Variants in SFXN5 observed in about 807,000 individuals in gnomAD.
The protein encoded by SFXN5 is sideroflexin-5.
A neutral mutation model predicts 50.2 loss-of-function variants in SFXN5; 43 were observed. The ratio of observed to expected loss-of-function variants is 0.86; its 90% CI spans 0.67 to 1.11. SFXN5 has a LOEUF of 1.11. SFXN5 is among the 50% of genes least tolerant of loss of function. The probability of loss-of-function intolerance (pLI) is 0.00; values close to 1 mark genes in which losing one functional copy is unlikely to be tolerated. For synonymous variants in SFXN5, 203 were observed against 185.8 expected, an observed-to-expected ratio of 1.09 and a Z score of -0.75; for missense variants, 463 against 454.1, an observed-to-expected ratio of 1.02 and a Z score of -0.18.
intron 10 of SFXN5, among the ~76,000 whole-genome samples, chr2:72,975,659 C>T (rs1249447639): frequency 6.6e-6 from 1 of 152,206 alleles, no homozygotes; most frequent in East Asian, 1.9e-4. Context: ...TGAATGCAGC[C>T]ATGTGTACAG....
At position 72,961,157 on chromosome 2, in the gene SFXN5, T is replaced by C. The variant is rs1249313549; in HGVS notation, c.919A>G (p.Ile307Val). ...AAFGLALPLA[I>V]SLFPQMSEIE... ...TCTGACATTTGCGGGAAGAGGCTGA[T>C]GGCCAGCGGCAGGGCCAGGCCGAAG... The change falls in exon 13 of 14, where the codon ATC (isoleucine) becomes GTC (valine). Residue 307 changes from isoleucine (I) to valine (V), a missense_variant. By Grantham distance (29) the Ile-to-Val change is conservative. Coordinates refer to ENST00000272433, the MANE Select transcript of SFXN5 (RefSeq NM_144579.3). This position sits in a 1 kb window ranked among gnomAD's most constrained non-coding sequence, Gnocchi z 4.4. The C allele has an allele frequency of 6.3e-7, 1 of 1,583,950 alleles. No individual in the cohort carries two copies. The highest frequency in any genetic ancestry group is 2.5e-5 in the East Asian group (1 of 40,768).
Position 72,950,799 on chromosome 2 carries a change from G to A in SFXN5, c.946-5700C>T, listed in dbSNP as rs578160885. ...CCCAACCAACTCCACCCCGCAGAAG[G>A]CCAGAGCCCCAGGGCAGTGGGTCGA... On this transcript the variant is annotated intron_variant, in intron 13 of 13. Transcript: ENST00000272433. The surrounding 1 kb of genome is among the most constrained non-coding windows in gnomAD (Gnocchi z 4.2). Among the ~76,000 whole-genome samples the A allele has an allele frequency of 4.6e-5, 7 of 152,358 alleles. No homozygotes were observed. The highest frequency in any genetic ancestry group is 1.4e-4 in the African/African-American group (6 of 41,582).
chr2:72,972,319 G>C (rs1670107368), intron 10 of SFXN5, among the ~76,000 whole-genome samples: 1 of 152,244 alleles, frequency 6.6e-6, no homozygotes, highest in Admixed American at 6.5e-5. Flanking sequence ...AAAGGCTACA[G>C]TGCCTCTGCC....
At chr2:73,061,306 T>TGAAA (rs1559221004) in intron 1 of SFXN5, among the ~76,000 whole-genome samples, 1 of 118,144 alleles carries the variant, frequency 8.5e-6, no homozygotes, top group African/African-American at 3.4e-5. Flanking sequence ...AGACTCTGTC[T>TGAAA]CAAAAAAAAA....
intron 6 of SFXN5, among the ~76,000 whole-genome samples, chr2:73,013,406 CGTGTGTGTGTGT>C (rs61590375): frequency 6.6e-4 from 92 of 139,718 alleles, no homozygotes; most frequent in Non-Finnish European, 1.2e-3. Flanking sequence ...AGGGATATTT[CGTGTGTGTGTGT>C]GTGTGTGTGT....
At chr2:73,023,101 G>T (rs1677105920) in intron 4 of SFXN5, 87 bp downstream of exon 4, 3 of 1,383,644 alleles carry the variant, frequency 2.2e-6, no homozygotes, top group South Asian at 1.3e-5. Flanking sequence ...GCCACCGGAG[G>T]GGGGCTTCCA....
At chr2:72,965,891 C>T (rs944253415) in intron 12 of SFXN5, among the ~76,000 whole-genome samples, 2 of 152,136 alleles carry the variant, frequency 1.3e-5, no homozygotes, top group African/African-American at 4.8e-5. Flanking sequence ...TCACACCCCG[C>T]CCCCCGCCTT....
intron 6 of SFXN5, among the ~76,000 whole-genome samples, chr2:73,004,688 T>A (rs6757131): frequency 7.9e-5 from 12 of 151,570 alleles, no homozygotes; most frequent in African/African-American, 2.9e-4. Context: ...CCGAGCTGCA[T>A]CGGCCAAATG....
chr2:73,015,192 CAAAT>C (rs1676000176), intron 6 of SFXN5, among the ~76,000 whole-genome samples: 1 of 152,116 alleles, frequency 6.6e-6, no homozygotes, highest in Admixed American at 6.6e-5. Context: ...TTTATTTTAT[CAAAT>C]ACTTTTTCTG....
At chr2:72,968,398 TC>T in intron 12 of SFXN5, 49 bp downstream of exon 12, 2 of 1,318,908 alleles carry the variant, frequency 1.5e-6, no homozygotes, top group Non-Finnish European at 2.1e-6. Context: ...CCCCTCCCTC[TC>T]CCCCTCCTCC....
chr2:72,957,409 C>G (rs1465502978), intron 13 of SFXN5, among the ~76,000 whole-genome samples: 1 of 152,230 alleles, frequency 6.6e-6, no homozygotes, highest in Non-Finnish European at 1.5e-5. Flanking sequence ...ATAAAACTCT[C>G]CCCCAGGAAC....
At chr2:73,067,515 C>T (rs532167509) in intron 1 of SFXN5, among the ~76,000 whole-genome samples, 9 of 152,300 alleles carry the variant, frequency 5.9e-5, no homozygotes, top group Admixed American at 1.3e-4. Context: ...TGGGTGAGGG[C>T]TAGGCAGGAA....
rs892116942 is a variant in SFXN5 at position 72,950,968 on chromosome 2, C to T, written c.946-5869G>A. On this transcript the variant is annotated intron_variant, in intron 13 of 13. Coordinates refer to ENST00000272433, the MANE Select transcript of SFXN5 (RefSeq NM_144579.3). This position sits in a 1 kb window ranked among gnomAD's most constrained non-coding sequence, Gnocchi z 4.2. ...AGCCAGCTCGGGGCGGGCTGGAATC[C>T]GTGGGCCCATCATCTCTTCCATCTG... Among the ~76,000 whole-genome samples the T allele has an allele frequency of 9.9e-5, 15 of 152,282 alleles. No individual in the cohort carries two copies. Among genetic ancestry groups the T allele is most frequent in the East Asian group, 3.9e-4 (2 of 5,178 alleles).
intron 1 of SFXN5, among the ~76,000 whole-genome samples, chr2:73,060,518 C>G (rs1414419855): frequency 6.6e-6 from 1 of 151,886 alleles, no homozygotes; most frequent in African/African-American, 2.4e-5. Context: ...ACTAAAGAGA[C>G]AACTAGATGC....
intron 10 of SFXN5, among the ~76,000 whole-genome samples, chr2:72,972,862 G>C (rs1670187398): frequency 6.6e-6 from 1 of 152,204 alleles, no homozygotes; most frequent in African/African-American, 2.4e-5. Flanking sequence ...CTGCAGTTCT[G>C]GGCTGTGAAC....
chr2:72,973,943 C>G lies in SFXN5; in HGVS notation c.626-2258G>C, dbSNP rs552525190. Among the ~76,000 whole-genome samples, 30 of 152,314 alleles carry G rather than the reference C, an allele frequency of 2.0e-4. 1 individual carries two copies. In the South Asian group the frequency reaches 6.2e-3, roughly 32 times the overall value. ...CCCTCTGATGACGCTGTCCACCATA[C>G]CACCACCACCGCCACTCCCAGAAAG... On this transcript the variant is annotated intron_variant, in intron 10 of 13. Transcript: ENST00000272433. This position sits in a 1 kb window ranked among gnomAD's most constrained non-coding sequence, Gnocchi z 5.5.
intron 2 of SFXN5, among the ~76,000 whole-genome samples, chr2:73,047,271 T>TACACACAC (rs1559199861): frequency 2.8e-4 from 20 of 71,176 alleles, no homozygotes; most frequent in Non-Finnish European, 3.8e-4. Flanking sequence ...TATATATATA[T>TACACACAC]ATATACACAC....
rs34361357 is a variant in SFXN5, at chr2:72,968,122, A to AACACACAC, written c.827+318_827+325dup. On this transcript the variant is annotated intron_variant, in intron 12 of 13. Coordinates refer to ENST00000272433, the MANE Select transcript of SFXN5 (RefSeq NM_144579.3). ...CTGAGAGCATGTGAGCACACATGAA[A>AACACACAC]ACACACACACACACACACACACACA... is the stretch of plus-strand genomic sequence containing the variant. Among the ~76,000 whole-genome samples, 1,303 of 137,258 alleles carry AACACACAC rather than the reference A, an allele frequency of 9.5e-3. 10 individuals are homozygous for AACACACAC. Among genetic ancestry groups the AACACACAC allele is most frequent in the Non-Finnish European group, 0.012 (759 of 63,824 alleles). 90.0% of individuals were successfully genotyped at this position (137,258 alleles called of 152,430 possible).
chr2:73,052,526 C>A (rs891899587), intron 2 of SFXN5, among the ~76,000 whole-genome samples: 7 of 152,110 alleles, frequency 4.6e-5, no homozygotes, highest in Non-Finnish European at 8.8e-5. Context: ...ATTATTTATT[C>A]TATCCTATAA....
Sources: allele counts gnomAD v4.1 joint callset (sites outside exome capture counted in the v4.1 genomes callset), GRCh38; gene constraint gnomAD v4.1.1; non-coding constraint Gnocchi (gnomAD v3.1); transcripts MANE v1.5; gene names NCBI Gene and HGNC (gene_info 2026-07-23, HGNC 2026-07-21).